The following TBC1D12 variants were observed in gnomAD, a reference collection of about 807,000 sequenced individuals.
TBC1D12 encodes the protein TBC1 domain family member 12.
Under a neutral mutation model 86.7 loss-of-function variants are expected in TBC1D12, and 56 were observed. The ratio of observed to expected loss-of-function variants is 0.65; its 90% CI spans 0.52 to 0.81. The LOEUF (loss-of-function observed/expected upper bound fraction) is 0.81. Among genes scored for constraint, TBC1D12 ranks in the 30% least tolerant of loss-of-function variants. The pLI is 0.00. For synonymous variants in TBC1D12, 421 were observed against 411.7 expected (o/e 1.02, Z -0.27); for missense variants, 1,023 against 1,038.8 (o/e 0.98, Z 0.21).
At position 94,476,718 on chromosome 10, in the gene TBC1D12, C is replaced by G. The variant is rs866430546; in HGVS notation, c.1211+1935C>G. On this transcript the variant is annotated intron_variant, in intron 3 of 12. Transcript: ENST00000225235. ...CCAGAAAGCGTTTATGAAAATATCA[C>G]TCAAAAAGTTCTATTCTAGACGGTG... 3.3e-5 allele frequency among the ~76,000 whole-genome samples: 5 copies of G among 152,288 alleles called. No homozygotes were observed. In the South Asian group the frequency reaches 1.0e-3, roughly 32 times the overall value.
Position 94,500,261 on chromosome 10 carries a change from T to C in TBC1D12, c.1453T>C (p.Leu485=), listed in dbSNP as rs894197126. ...RRVRELWWQG[L]PPSVRGKVWS... is the part of the protein sequence containing the mutation. ...AGTTCGAGAATTGTGGTGGCAGGGA[T>C]TGCCCCCTAGTGTCCGTGGGAAAGT... The change falls in exon 6 of 13, where the codon TTG becomes CTG. Residue 485 remains leucine, a synonymous_variant. Transcript: ENST00000225235. The C allele has an allele frequency of 6.2e-7, 1 of 1,614,080 alleles. No individual in the cohort carries two copies. The highest frequency in any genetic ancestry group is 8.5e-7 in the Non-Finnish European group (1 of 1,179,968).
rs1330933516 is a variant in TBC1D12, at chr10:94,521,236, A to AC, written c.1762-719_1762-718insC. 3.4e-3 allele frequency among the ~76,000 whole-genome samples: 482 copies of AC among 143,120 alleles called. 3 individuals are homozygous for AC. The highest frequency in any genetic ancestry group is 0.013 in the African/African-American group (464 of 36,988). 93.9% of individuals were successfully genotyped at this position (143,120 alleles called of 152,430 possible). A position where few individuals can be genotyped will look rare whatever the true frequency, so the allele number is the denominator to read the frequency against. The stretch of plus-strand genomic sequence containing the variant: ...AAAAAGAAACCAAAAAAAAAAAAAA[A>AC]ACAAAAAAAAAACAGGAGAAGAAGT... On this transcript the variant is annotated intron_variant, in intron 9 of 12. Coordinates refer to ENST00000225235, the MANE Select transcript of TBC1D12 (RefSeq NM_015188.2).
At chr10:94,445,359 A>G (rs2055446764) in intron 2 of TBC1D12, among the ~76,000 whole-genome samples, 1 of 151,984 alleles carries the variant, frequency 6.6e-6, no homozygotes, top group Admixed American at 6.5e-5. Flanking sequence ...ATACGTCTCA[A>G]AAAACAGCAA....
intron 2 of TBC1D12, among the ~76,000 whole-genome samples, chr10:94,449,748 T>TA (rs1491553088): frequency 2.0e-5 from 3 of 152,182 alleles, no homozygotes; most frequent in Non-Finnish European, 4.4e-5. Context: ...TATATCAGGG[T>TA]ATATATCAGG....
At chr10:94,486,392 G>T (rs1435274705) in intron 3 of TBC1D12, among the ~76,000 whole-genome samples, 2 of 149,382 alleles carry the variant, frequency 1.3e-5, no homozygotes, top group African/African-American at 4.9e-5. Flanking sequence ...TGCATTTTTA[G>T]GTTGCTTATT....
At chr10:94,443,616 C>T (rs745815106) in intron 2 of TBC1D12, among the ~76,000 whole-genome samples, 2 of 152,170 alleles carry the variant, frequency 1.3e-5, no homozygotes, top group Non-Finnish European at 2.9e-5. Context: ...CAGTGATATT[C>T]CACATCAGTT....
intron 3 of TBC1D12, among the ~76,000 whole-genome samples, chr10:94,492,517 A>G (rs2056259770): frequency 6.6e-6 from 1 of 152,222 alleles, no homozygotes; most frequent in Admixed American, 6.5e-5. Context: ...CAATCTGGAA[A>G]CAATCCAAGT....
intron 1 of TBC1D12, among the ~76,000 whole-genome samples, chr10:94,408,185 AT>A (rs1193775460): frequency 1.3e-5 from 2 of 151,938 alleles, no homozygotes; most frequent in Non-Finnish European, 2.9e-5. Context: ...GGTAGTGCTG[AT>A]TTTTTTTCCC....
At chr10:94,460,290 A>T (rs2055705180) in intron 2 of TBC1D12, among the ~76,000 whole-genome samples, 1 of 152,156 alleles carries the variant, frequency 6.6e-6, no homozygotes, top group Admixed American at 6.5e-5. Context: ...TTCTTTTAAC[A>T]TTTTTTGCAA....
At chr10:94,503,792 T>C (rs2056428429) in intron 6 of TBC1D12, among the ~76,000 whole-genome samples, 1 of 152,036 alleles carries the variant, frequency 6.6e-6, no homozygotes, top group Admixed American at 6.6e-5. Context: ...CACTGACTAA[T>C]TTTTGTATTT....
At chr10:94,529,758 A>C (rs528202581) in intron 11 of TBC1D12, among the ~76,000 whole-genome samples, 11 of 152,298 alleles carry the variant, frequency 7.2e-5, no homozygotes, top group Non-Finnish European at 1.3e-4. Flanking sequence ...AATTCCATTA[A>C]GAAGGAAAAA....
chr10:94,403,512 C>T lies in TBC1D12; in HGVS notation c.899C>T (p.Ala300Val), dbSNP rs143286138. 3.9e-4 allele frequency: 611 copies of T among 1,562,332 alleles called. 2 individuals are homozygous for T. The African/African-American group carries it at 7.6e-3, about 20-fold the overall frequency. ...GCGGGGCCGCCGGTGCCCTTGCCCG[C>T]CGCGGAGCAGGGTCCTGCGGGGGCT... ...PPAGPPVPLP[A>V]AEQGPAGASA... is the part of the protein sequence containing the mutation. Residue 300 changes from alanine to valine, a missense_variant, in exon 1 of 13, where the codon GCC (alanine) becomes GTC (valine). Coordinates refer to ENST00000225235, the MANE Select transcript of TBC1D12 (RefSeq NM_015188.2).
At chr10:94,525,164 T>TTTTAGTTGTAAGAGAGGTGGGA (rs1842255554) in intron 11 of TBC1D12, among the ~76,000 whole-genome samples, 1 of 152,192 alleles carries the variant, frequency 6.6e-6, no homozygotes, top group Admixed American at 6.5e-5. Flanking sequence ...TTTAGGGTTT[T>TTTTAGTTGTAAGAGAGGTGGGA]TTTAGTTGTA....
chr10:94,484,870 T>C (rs190786610), intron 3 of TBC1D12, among the ~76,000 whole-genome samples: 72 of 152,330 alleles, frequency 4.7e-4, no homozygotes, highest in Non-Finnish European at 1.0e-3. Flanking sequence ...GTGGCTATTA[T>C]AAATGGGATT....
chr10:94,526,918 A>G (rs1051868510), intron 11 of TBC1D12, among the ~76,000 whole-genome samples: 1 of 152,330 alleles, frequency 6.6e-6, no homozygotes, highest in South Asian at 2.1e-4. Flanking sequence ...TTTTGATAAT[A>G]GCTATCCTAA....
chr10:94,515,662 G>A (rs1042938237), intron 9 of TBC1D12, among the ~76,000 whole-genome samples: 1 of 152,088 alleles, frequency 6.6e-6, no homozygotes, highest in East Asian at 1.9e-4. Flanking sequence ...GTAGGGTTTT[G>A]TACTTGTCCT....
At chr10:94,456,818 C>T (rs1179226988) in intron 2 of TBC1D12, among the ~76,000 whole-genome samples, 2 of 152,216 alleles carry the variant, frequency 1.3e-5, no homozygotes, top group East Asian at 1.9e-4. Context: ...TAGTTCTATC[C>T]GTTTTTGCCT....
intron 1 of TBC1D12, among the ~76,000 whole-genome samples, chr10:94,428,412 C>T (rs753891737): frequency 2.0e-5 from 3 of 150,824 alleles, no homozygotes; most frequent in Admixed American, 1.3e-4. Context: ...CTCAACCTCT[C>T]GAGTAACTGG....
At chr10:94,504,595 C>T (rs2056438039) in intron 6 of TBC1D12, among the ~76,000 whole-genome samples, 1 of 152,100 alleles carries the variant, frequency 6.6e-6, no homozygotes, top group Non-Finnish European at 1.5e-5. Flanking sequence ...AGAATAGTAG[C>T]TAAGAGTAAG....
Sources: gnomAD v4.1 joint callset for allele counts (sites outside exome capture counted in the v4.1 genomes callset) on GRCh38, gnomAD v4.1.1 for gene constraint, MANE v1.5 for transcripts, NCBI Gene and HGNC (gene_info 2026-07-23, HGNC 2026-07-21) for gene names.